ZSCAN5A: variants seen among roughly 807,000 people sequenced by gnomAD.
ZSCAN5A encodes zinc finger and SCAN domain containing 5A, also known as zinc finger and SCAN domain-containing protein 5A.
In ZSCAN5A, 12 loss-of-function variants were observed where a neutral mutation model predicts 23.7. The ratio of observed to expected loss-of-function variants is 0.51; its 90% confidence interval spans 0.32 to 0.82. The LOEUF (loss-of-function observed/expected upper bound fraction) is 0.82, where lower values mean the gene tolerates loss of function less well. ZSCAN5A is among the 40% of genes least tolerant of loss of function. The pLI is 0.03. For synonymous variants in ZSCAN5A, 257 were observed against 239.9 expected (o/e 1.07, Z -0.66); for missense variants, 597 against 617.9 (o/e 0.97, Z 0.36).
rs2033146338 is a variant in ZSCAN5A, at chr19:56,221,479, A to G, written c.*96T>C. 7.5e-6 allele frequency: 11 copies of G among 1,457,190 alleles called. No homozygotes were observed. Among genetic ancestry groups the G allele is most frequent in the Admixed American group, 2.3e-5 (1 of 43,502 alleles). The allele number at this position is 1,457,190 out of a possible 1,614,324, so 90.3% of individuals were successfully genotyped here. Reference sequence around the variant, plus strand: ...ATCTAGGGCACTCCCTCTGTGTGTCAGACGCCCTTGCATGTGTCAAATGTC... The same window carrying G: ...ATCTAGGGCACTCCCTCTGTGTGTCGGACGCCCTTGCATGTGTCAAATGTC... On this transcript the variant is annotated 3_prime_UTR_variant, in exon 6 of 6. Coordinates refer to ENST00000683990, the MANE Select transcript of ZSCAN5A (RefSeq NM_001322064.3).
chr19:56,325,387 G>A (rs534381632), intron 2 of ZSCAN5A, among the ~76,000 whole-genome samples: 1 of 152,082 alleles, frequency 6.6e-6, no homozygotes, highest in South Asian at 2.1e-4. Flanking sequence ...ATTTGGGTGG[G>A]GACACAGCCA....
At chr19:56,324,878 GT>G (rs1204290176) in intron 2 of ZSCAN5A, among the ~76,000 whole-genome samples, 3 of 152,170 alleles carry the variant, frequency 2.0e-5, no homozygotes, top group Non-Finnish European at 4.4e-5. Flanking sequence ...CTATACATTA[GT>G]TATTGAAAAA....
At chr19:56,293,575 C>T (rs117542266) in intron 2 of ZSCAN5A, among the ~76,000 whole-genome samples, 4,363 of 152,306 alleles carry the variant, frequency 0.029, 70 homozygotes, top group Middle Eastern at 0.071. Context: ...CCGTGGGCTT[C>T]GGACCCTCGC....
intron 2 of ZSCAN5A, chr19:56,321,551 T>G: frequency 1.3e-6 from 1 of 752,798 alleles, no homozygotes; most frequent in South Asian, 1.4e-5. Flanking sequence ...GTCTGTCTTC[T>G]TAAGCAAGCT....
upstream of ZSCAN5A, chr19:56,316,001 T>TA (rs1209932148): frequency 6.6e-6 from 1 of 152,204 alleles, no homozygotes; most frequent in Non-Finnish European, 1.5e-5. Flanking sequence ...TATTGGATGT[T>TA]ACGACCACTA....
chr19:56,305,170 T>C (rs546048774), intron 2 of ZSCAN5A, among the ~76,000 whole-genome samples: 43 of 152,286 alleles, frequency 2.8e-4, no homozygotes, highest in African/African-American at 1.0e-3. Context: ...ACTCAAAATA[T>C]TGTGTGGCCA....
intron 2 of ZSCAN5A, among the ~76,000 whole-genome samples, chr19:56,282,077 T>A (rs989927195): frequency 6.6e-6 from 1 of 152,090 alleles, no homozygotes; most frequent in African/African-American, 2.4e-5. Flanking sequence ...ATTGTGTGTA[T>A]TTATTGGTGG....
chr19:56,321,964 A>G (rs974906435), intron 2 of ZSCAN5A: 19 of 780,480 alleles, frequency 2.4e-5, no homozygotes, highest in Middle Eastern at 4.5e-4. Context: ...TCACACCACC[A>G]TGGATCAAAT....
At chr19:56,228,319 A>G in intron 2 of ZSCAN5A, 1 of 985,340 alleles carries the variant, frequency 1.0e-6, no homozygotes, top group Non-Finnish European at 1.2e-6. Context: ...CTGGAGCTGA[A>G]CTGCGTCTAT....
chr19:56,265,662 T>C (rs1459044241), intron 2 of ZSCAN5A, among the ~76,000 whole-genome samples: 1 of 152,032 alleles, frequency 6.6e-6, no homozygotes, highest in Non-Finnish European at 1.5e-5. Flanking sequence ...AAGTGAAGGC[T>C]GGAGAGTGGG....
intron 2 of ZSCAN5A, among the ~76,000 whole-genome samples, chr19:56,231,980 TTTC>T (rs1422174911): frequency 1.9e-4 from 15 of 80,764 alleles, no homozygotes; most frequent in Admixed American, 8.9e-4. Context: ...TTCTTTTTTC[TTTC>T]TTTTTTTCTT....
intron 2 of ZSCAN5A, among the ~76,000 whole-genome samples, chr19:56,273,215 A>G (rs893071753): frequency 2.0e-5 from 3 of 152,204 alleles, no homozygotes; most frequent in African/African-American, 7.2e-5. Context: ...CGGGGCTCAC[A>G]AGAATCCCCA....
rs915895354 is a variant in ZSCAN5A, at chr19:56,357,498, C to G, written c.-358+5737G>C. 8.4e-4 allele frequency among the ~76,000 whole-genome samples: 124 copies of G among 148,216 alleles called. 17 individuals are homozygous for G. Among genetic ancestry groups the G allele is most frequent in the African/African-American group, 3.1e-3 (120 of 39,266 alleles). ...TTATGTTGGGAACATTCCAATTCCTCTTCCCCAGCAACTATACCACAAAAT... is the reference window on the plus strand; with the variant it reads ...TTATGTTGGGAACATTCCAATTCCTGTTCCCCAGCAACTATACCACAAAAT... On this transcript the variant is annotated intron_variant, in intron 2 of 6. Transcript: ENST00000587340.
rs72389651 is a variant in ZSCAN5A at position 56,346,149 on chromosome 19, T to TA, written c.-358+17085dup. 5.2e-4 allele frequency among the ~76,000 whole-genome samples: 65 copies of TA among 126,126 alleles called. 1 individual carries two copies. The highest frequency in any genetic ancestry group is 1.1e-3 in the East Asian group (5 of 4,448). The allele number at this position is 126,126 out of a possible 152,430, so 82.7% of individuals were successfully genotyped here. A position where few individuals can be genotyped will look rare whatever the true frequency, so the allele number is the denominator to read the frequency against. ...TGAGAAGAAAAAACCTTTGCTCAAT[T>TA]AAAAAAAAAAAAAGGTAGAGTTGAT... is the stretch of plus-strand genomic sequence containing the variant. On this transcript the variant is annotated intron_variant, in intron 2 of 6. Coordinates refer to the ZSCAN5A transcript ENST00000587340.
At chr19:56,312,317 T>A (rs2041088117) in intron 2 of ZSCAN5A, 1 of 152,216 alleles carries the variant, frequency 6.6e-6, no homozygotes, top group African/African-American at 2.4e-5. Flanking sequence ...CAATTTAAAA[T>A]TTTTCATTAA....
intron 2 of ZSCAN5A, among the ~76,000 whole-genome samples, chr19:56,237,982 C>CACACACGG (rs1437061166): frequency 2.4e-5 from 2 of 84,172 alleles, no homozygotes; most frequent in African/African-American, 4.5e-5. Flanking sequence ...CGGACACACA[C>CACACACGG]ACATACACAC....
At chr19:56,300,253 T>G (rs1369385567) in intron 2 of ZSCAN5A, among the ~76,000 whole-genome samples, 1 of 152,110 alleles carries the variant, frequency 6.6e-6, no homozygotes, top group Non-Finnish European at 1.5e-5. Flanking sequence ...CCCTTTTATA[T>G]AGCCAAGCAG....
rs2033366093 is a variant in ZSCAN5A, at chr19:56,222,498, C to T, written c.739+93G>A. 5 of 1,558,050 alleles carry T rather than the reference C, an allele frequency of 3.2e-6. No individual in the cohort carries two copies. In the East Asian group the frequency reaches 1.1e-4, roughly 35 times the overall value. Reference sequence around the variant, plus strand: ...ATGGGGAGGCTTTGACAGCTGAGTGCCAACTCCCCCAGGGGATGATAATGC... The same window carrying T: ...ATGGGGAGGCTTTGACAGCTGAGTGTCAACTCCCCCAGGGGATGATAATGC... On this transcript the variant is annotated intron_variant, in intron 5 of 5. Transcript: ENST00000683990.
chr19:56,251,896 A>C (rs1232734005), intron 2 of ZSCAN5A, among the ~76,000 whole-genome samples: 1 of 152,216 alleles, frequency 6.6e-6, no homozygotes, highest in Admixed American at 6.5e-5. Flanking sequence ...AAGTGTGGTA[A>C]TATGAGCAAA....
Sources: gnomAD v4.1 joint callset for allele counts (sites outside exome capture counted in the v4.1 genomes callset) on GRCh38, gnomAD v4.1.1 for gene constraint, MANE v1.5 for transcripts, NCBI Gene and HGNC (gene_info 2026-07-23, HGNC 2026-07-21) for gene names.